GLRB: variants seen among roughly 807,000 people sequenced by gnomAD.
The protein encoded by GLRB is glycine receptor subunit beta.
A neutral mutation model predicts 54.2 loss-of-function variants in GLRB; 33 were observed. The observed-to-expected ratio is 0.61, with a 90% CI of 0.46 to 0.81. The LOEUF (loss-of-function observed/expected upper bound fraction) is 0.81. Among genes scored for constraint, GLRB ranks in the 40% least tolerant of loss-of-function variants. The pLI is 0.00. For synonymous variants in GLRB, 209 were observed against 208.2 expected, an observed-to-expected ratio of 1.00 and a Z score of -0.03; for missense variants, 572 against 584.6, an observed-to-expected ratio of 0.98 and a Z score of 0.22.
intron 9 of GLRB, 145 bp downstream of exon 9, chr4:157,153,155 C>T (rs751630775): frequency 5.1e-6 from 4 of 782,930 alleles, no homozygotes; most frequent in Non-Finnish European, 8.7e-6. Flanking sequence ...CTGAGCACAA[C>T]ACAATTTTTG....
At chr4:157,105,093 T>G (rs925038194) in intron 2 of GLRB, among the ~76,000 whole-genome samples, 3 of 151,774 alleles carry the variant, frequency 2.0e-5, no homozygotes, top group Non-Finnish European at 2.9e-5. Flanking sequence ...TGGGCTTTTT[T>G]TTTCTTTTTC....
At chr4:157,104,883 G>C (rs1000496973) in intron 2 of GLRB, among the ~76,000 whole-genome samples, 2 of 151,848 alleles carry the variant, frequency 1.3e-5, no homozygotes, top group African/African-American at 2.4e-5. Flanking sequence ...TTGTGTTTCT[G>C]TGGCATCAGT....
In GLRB at chr4:157,138,795, G is replaced by A. The variant is rs11936411; in HGVS notation, c.611-14G>A. Reference sequence around the variant, plus strand: ...TTATATTTTAAACTAACATTTATTTGTTTTTGTTTATAGTTGGTTACACAA... The same window carrying A: ...TTATATTTTAAACTAACATTTATTTATTTTTGTTTATAGTTGGTTACACAA... On this transcript the variant is annotated splice_polypyrimidine_tract_variant and intron_variant, in intron 6 of 9. Transcript: ENST00000264428. The A allele has an allele frequency of 2.3e-3, 3,073 of 1,333,154 alleles. 55 individuals are homozygous for A. In the African/African-American group the frequency reaches 0.038, roughly 16 times the overall value. The allele number at this position is 1,333,154 out of a possible 1,614,324, so 82.6% of individuals were successfully genotyped here.
At chr4:157,160,813 T>A (rs1182179486) in intron 9 of GLRB, among the ~76,000 whole-genome samples, 3 of 152,190 alleles carry the variant, frequency 2.0e-5, no homozygotes, top group African/African-American at 7.2e-5. Context: ...ACTCTGTTGA[T>A]TTGGGGTGGG....
At chr4:157,169,654 G>GA (rs1203928067) in intron 9 of GLRB, among the ~76,000 whole-genome samples, 1 of 151,886 alleles carries the variant, frequency 6.6e-6, no homozygotes, top group Non-Finnish European at 1.5e-5. Flanking sequence ...TGTATTTATT[G>GA]AAAAAAAGCC....
At chr4:157,112,578 A>G (rs1735461519) in intron 2 of GLRB, among the ~76,000 whole-genome samples, 1 of 151,920 alleles carries the variant, frequency 6.6e-6, no homozygotes, top group African/African-American at 2.4e-5. Flanking sequence ...AAAAGGGATT[A>G]CTTTTGGGAA....
intron 8 of GLRB, among the ~76,000 whole-genome samples, chr4:157,144,282 A>G (rs901244933): frequency 6.6e-6 from 1 of 152,212 alleles, no homozygotes; most frequent in African/African-American, 2.4e-5. Flanking sequence ...TTAAAAATGA[A>G]TAACTATTTC....
rs116141623 is a variant in GLRB at position 157,089,975 on chromosome 4, G to T, written c.122+11829G>T. On this transcript the variant is annotated intron_variant, in intron 2 of 9. Transcript: ENST00000264428. ...CTCATTCTGTTGATGGTTTAGAAATGATTATTGCATCTAGCTACTTCTCCT... is the reference window on the plus strand; with the variant it reads ...CTCATTCTGTTGATGGTTTAGAAATTATTATTGCATCTAGCTACTTCTCCT... Among the ~76,000 whole-genome samples, 721 of 152,238 alleles carry T rather than the reference G, an allele frequency of 4.7e-3. 8 individuals carry two copies. Among genetic ancestry groups the T allele is most frequent in the African/African-American group, 0.016 (675 of 41,554 alleles).
At chr4:157,114,306 T>G (rs555927182) in intron 2 of GLRB, among the ~76,000 whole-genome samples, 17 of 151,650 alleles carry the variant, frequency 1.1e-4, no homozygotes, top group Admixed American at 9.9e-4. Context: ...TTGGCTCTCC[T>G]GACTCAGTGT....
intron 2 of GLRB, among the ~76,000 whole-genome samples, chr4:157,111,421 CTG>C (rs1735414524): frequency 6.6e-6 from 1 of 152,044 alleles, no homozygotes; most frequent in African/African-American, 2.4e-5. Flanking sequence ...TGTGCAAAAA[CTG>C]AGATGCTAGG....
At chr4:157,120,919 T>C (rs1006727953) in intron 3 of GLRB, among the ~76,000 whole-genome samples, 5 of 151,678 alleles carry the variant, frequency 3.3e-5, no homozygotes, top group African/African-American at 1.2e-4. Flanking sequence ...TGTGAATTAA[T>C]AGGCCAACAT....
chr4:157,157,012 G>T (rs796732983), intron 9 of GLRB, among the ~76,000 whole-genome samples: 1 of 152,116 alleles, frequency 6.6e-6, no homozygotes, highest in African/African-American at 2.4e-5. Flanking sequence ...TTCCCACTTC[G>T]TCAGGGTAGA....
At chr4:157,113,378 G>A (rs1439190485) in intron 2 of GLRB, among the ~76,000 whole-genome samples, 1 of 151,794 alleles carries the variant, frequency 6.6e-6, no homozygotes, top group African/African-American at 2.4e-5. Context: ...TGTCAAAGAG[G>A]TTTGGAGATC....
chr4:157,127,551 A>G (rs1736059521), intron 4 of GLRB, among the ~76,000 whole-genome samples: 1 of 151,870 alleles, frequency 6.6e-6, no homozygotes, highest in South Asian at 2.1e-4. Context: ...TATATGTTAA[A>G]AAGGACATTT....
intron 2 of GLRB, among the ~76,000 whole-genome samples, chr4:157,099,658 G>A (rs1355622228): frequency 6.6e-6 from 1 of 152,046 alleles, no homozygotes; most frequent in East Asian, 1.9e-4. Context: ...TTTTATACAT[G>A]TATTTTGTTG....
At position 157,087,959 on chromosome 4, in the gene GLRB, T is replaced by C. The variant is rs143458088; in HGVS notation, c.122+9813T>C. On this transcript the variant is annotated intron_variant, in intron 2 of 9. Coordinates refer to ENST00000264428, the MANE Select transcript of GLRB (RefSeq NM_000824.5). ...GAATTCCTTTACCATGGGTATTTTA[T>C]GGAAGTTTACACTTAGAATTCATGA... Among the ~76,000 whole-genome samples the C allele has an allele frequency of 9.0e-3, 1,369 of 152,272 alleles. 10 individuals carry two copies. The highest frequency in any genetic ancestry group is 0.014 in the Middle Eastern group (4 of 294).
At chr4:157,144,931 C>T (rs1736752591) in intron 8 of GLRB, among the ~76,000 whole-genome samples, 1 of 151,666 alleles carries the variant, frequency 6.6e-6, no homozygotes, top group Non-Finnish European at 1.5e-5. Context: ...TCACACAGAC[C>T]AAATTTATAA....
chr4:157,102,321 C>T (rs1735061299), intron 2 of GLRB, among the ~76,000 whole-genome samples: 1 of 152,066 alleles, frequency 6.6e-6, no homozygotes, highest in Admixed American at 6.6e-5. Context: ...AACATTATAC[C>T]TCTTCAATGG....
At position 157,115,448 on chromosome 4, in the gene GLRB, G is replaced by A. The variant is rs545977324; in HGVS notation, c.123-5108G>A. ...TATAATTCCTTTCTGAGTCCTTTTA[G>A]TGTAGTATTCAGAAAGGGAATCTTC... On this transcript the variant is annotated intron_variant, in intron 2 of 9. Transcript: ENST00000264428. Among the ~76,000 whole-genome samples the A allele has an allele frequency of 2.0e-5, 3 of 151,588 alleles. No homozygotes were observed. In the South Asian group the frequency reaches 6.2e-4, roughly 31 times the overall value.
Sources: gnomAD v4.1 joint callset for allele counts (sites outside exome capture counted in the v4.1 genomes callset) on GRCh38, gnomAD v4.1.1 for gene constraint, MANE v1.5 for transcripts, NCBI Gene and HGNC (gene_info 2026-07-23, HGNC 2026-07-21) for gene names.